GCFC2: variants seen among roughly 807,000 people sequenced by gnomAD.
GCFC2 encodes GC-rich sequence DNA-binding factor 2, also known as intron Large complex component GCFC2.
A neutral mutation model predicts 99.4 loss-of-function variants in GCFC2; 102 were observed. That is an observed-to-expected ratio of 1.03 (90% CI 0.87 to 1.21). The LOEUF (loss-of-function observed/expected upper bound fraction) is 1.21, where lower values mean the gene tolerates loss of function less well. GCFC2 is among the 50% of genes most tolerant of loss of function. GCFC2 has a pLI of 0.00. For missense variants in GCFC2, 973 were observed against 920.9 expected (o/e 1.06, Z -0.73); for synonymous variants, 338 against 316.8 (o/e 1.07, Z -0.71).
intron 2 of GCFC2, among the ~76,000 whole-genome samples, chr2:75,703,672 G>T (rs1317611825): frequency 6.6e-6 from 1 of 152,168 alleles, no homozygotes; most frequent in African/African-American, 2.4e-5. Context: ...AACCATCACA[G>T]CAGGTTATAG....
intron 11 of GCFC2, among the ~76,000 whole-genome samples, chr2:75,686,631 C>G (rs1679828526): frequency 1.3e-5 from 2 of 152,064 alleles, no homozygotes; most frequent in African/African-American, 4.8e-5. Context: ...GGAGTCCTAG[C>G]TAATTGGGAG....
intron 16 of GCFC2, 150 bp from the exon 17 acceptor site, chr2:75,664,933 C>T: frequency 1.7e-6 from 1 of 577,982 alleles, no homozygotes. Flanking sequence ...AGAGATGCTG[C>T]CATCTCCACT....
At chr2:75,683,683 C>T (rs1010437302) in intron 11 of GCFC2, among the ~76,000 whole-genome samples, 1 of 144,090 alleles carries the variant, frequency 6.9e-6, no homozygotes, top group African/African-American at 2.6e-5. Context: ...CATCAATGTG[C>T]TGTATTCAGG....
intron 11 of GCFC2, among the ~76,000 whole-genome samples, chr2:75,685,878 G>C (rs926147705): frequency 2.0e-5 from 3 of 152,084 alleles, no homozygotes; most frequent in African/African-American, 7.2e-5. Context: ...GCTTACTCCT[G>C]TCAGACTTTT....
intron 11 of GCFC2, among the ~76,000 whole-genome samples, chr2:75,683,771 C>CAAAAAAAAAAAAAAAAAAAAAAAAAAA (rs749580096): frequency 3.3e-5 from 2 of 60,402 alleles, no homozygotes; most frequent in African/African-American, 6.5e-5. Flanking sequence ...AAATGGAAAG[C>CAAAAAAAAAAAAAAAAAAAAAAAAAAA]AAAAAAAAAA....
rs769592113 is a variant in GCFC2 at position 75,672,055 on chromosome 2, G to C, written c.1890-39C>G. ...AACGAAAGAGAAGAGAAAATGCAAA[G>C]AACTATTAGTCTTTCAGAACCAGAG... On this transcript the variant is annotated intron_variant, in intron 13 of 16. Transcript: ENST00000321027. 1.2e-5 allele frequency: 13 copies of C among 1,122,280 alleles called. No homozygotes were observed. In the South Asian group the frequency reaches 1.7e-4, roughly 14 times the overall value. The allele number at this position is 1,122,280 out of a possible 1,614,324, so 69.5% of individuals were successfully genotyped here. A position where few individuals can be genotyped will look rare whatever the true frequency, so the allele number is the denominator to read the frequency against.
upstream of GCFC2, among the ~76,000 whole-genome samples, chr2:75,712,421 T>C (rs1339354094): frequency 6.6e-6 from 1 of 152,080 alleles, no homozygotes; most frequent in Non-Finnish European, 1.5e-5. Context: ...CTGATGGGGA[T>C]GTGGAGAACT....
chr2:75,668,788 A>T (rs956296013), intron 15 of GCFC2, among the ~76,000 whole-genome samples: 2 of 152,148 alleles, frequency 1.3e-5, no homozygotes, highest in Admixed American at 1.3e-4. Context: ...TTTTTGACTT[A>T]ACTTACTTTG....
chr2:75,709,610 C>G (rs1454549454), intron 1 of GCFC2, among the ~76,000 whole-genome samples: 1 of 152,094 alleles, frequency 6.6e-6, no homozygotes, highest in African/African-American at 2.4e-5. Context: ...TTTAATTAGA[C>G]AAGAGGAATT....
Position 75,709,307 on chromosome 2 carries a change from C to G in GCFC2, c.265+1284G>C, listed in dbSNP as rs530997429. On this transcript the variant is annotated intron_variant, in intron 1 of 16. Transcript: ENST00000321027. The stretch of plus-strand genomic sequence containing the variant: ...AAGGCAAGAGAAAAGGAACTCCTGA[C>G]TTCAACTTTCATCTACAAAGTTTAA... Among the ~76,000 whole-genome samples, 21 of 152,296 alleles carry G rather than the reference C, an allele frequency of 1.4e-4. No homozygotes were observed. The East Asian group carries it at 4.0e-3, about 29-fold the overall frequency.
At chr2:75,707,951 G>T (rs781694662) in intron 1 of GCFC2, among the ~76,000 whole-genome samples, 10 of 152,058 alleles carry the variant, frequency 6.6e-5, no homozygotes, top group Non-Finnish European at 1.3e-4. Context: ...TTTGACCCTT[G>T]AGTACACATG....
intron 15 of GCFC2, among the ~76,000 whole-genome samples, chr2:75,666,809 A>G (rs1321348301): frequency 2.0e-5 from 3 of 152,188 alleles, no homozygotes; most frequent in Non-Finnish European, 4.4e-5. Flanking sequence ...CCCGGAGAGA[A>G]CAAAGTATGG....
intron 1 of GCFC2, 76 bp downstream of exon 1, chr2:75,710,515 G>A: frequency 7.1e-7 from 1 of 1,415,426 alleles, no homozygotes; most frequent in South Asian, 1.5e-5. Context: ...AACCCCCAGA[G>A]AAGGATCCAG....
chr2:75,678,216 A>G (rs1373852622), intron 12 of GCFC2, among the ~76,000 whole-genome samples: 1 of 152,234 alleles, frequency 6.6e-6, no homozygotes, highest in Non-Finnish European at 1.5e-5. Flanking sequence ...ATTTACATTT[A>G]GGTTATAACT....
intron 12 of GCFC2, among the ~76,000 whole-genome samples, chr2:75,679,131 T>C: frequency 6.6e-6 from 1 of 152,356 alleles, no homozygotes; most frequent in Non-Finnish European, 1.5e-5. Context: ...CAGTTTTAAG[T>C]TACAGTTTAT....
At chr2:75,682,048 G>C (rs1007444232) in intron 11 of GCFC2, among the ~76,000 whole-genome samples, 1 of 151,960 alleles carries the variant, frequency 6.6e-6, no homozygotes, top group Non-Finnish European at 1.5e-5. Flanking sequence ...TTGCCTGACA[G>C]TTCTGAAGAC....
At chr2:75,698,919 T>A (rs903899708) in intron 4 of GCFC2, among the ~76,000 whole-genome samples, 1 of 150,766 alleles carries the variant, frequency 6.6e-6, no homozygotes, top group East Asian at 2.0e-4. Context: ...AGCTGAGGCA[T>A]GAGAATTGCT....
At chr2:75,691,926 A>G (rs1201577209) in intron 7 of GCFC2, 51 bp downstream of exon 7, 6 of 1,021,498 alleles carry the variant, frequency 5.9e-6, no homozygotes, top group Non-Finnish European at 6.8e-6. Flanking sequence ...TATTCTTCAC[A>G]TAATTTAGCT....
At position 75,710,703 on chromosome 2, in the gene GCFC2, G is replaced by A; in HGVS notation, c.153C>T (p.Arg51=). The stretch of plus-strand genomic sequence containing the variant: ...GGTGGGGCAGTCCCGCCACCTGCGC[G>A]CGGCCTCCTCCAGAGGGCGGCTCTT... ...AEEEPPSGGG[R]AQVAGLPHRV... The change falls in exon 1 of 17, where the codon CGC becomes CGT. Residue 51 remains arginine (R), a synonymous_variant. Transcript: ENST00000321027. The A allele has an allele frequency of 6.5e-7, 1 of 1,535,004 alleles. No homozygotes were observed. The highest frequency in any genetic ancestry group is 8.7e-7 in the Non-Finnish European group (1 of 1,145,718).
Sources: allele counts gnomAD v4.1 joint callset (sites outside exome capture counted in the v4.1 genomes callset), GRCh38; gene constraint gnomAD v4.1.1; transcripts MANE v1.5; gene names NCBI Gene and HGNC (gene_info 2026-07-23, HGNC 2026-07-21).